The following PHF3 variants were observed in gnomAD, a reference collection of about 807,000 sequenced individuals.
PHF3 encodes the protein PHD finger protein 3.
Under a neutral mutation model 178.4 loss-of-function variants are expected in PHF3, and 41 were observed. The observed-to-expected ratio is 0.23, with a 90% CI of 0.18 to 0.30. The LOEUF (loss-of-function observed/expected upper bound fraction) is 0.30. PHF3 is among the 10% of genes least tolerant of loss of function. The pLI is 1.00. For missense variants in PHF3, 2,346 were observed against 2,398.1 expected (o/e 0.98, Z 0.45); for synonymous variants, 842 against 800.5 (o/e 1.05, Z -0.88).
Position 63,711,869 on chromosome 6 carries a change from T to A in PHF3, c.4281T>A (p.Pro1427=). ...LQEDLPTAVE[P]LMEVTKQEPP... ...AAGACCTTCCAACAGCAGTTGAACC[T>A]TTAATGGAAGTCACCAAACAGGAGC... The change falls in exon 16 of 16, where the codon CCT becomes CCA. Residue 1427 remains proline, a synonymous_variant. Coordinates refer to ENST00000262043, the MANE Select transcript of PHF3 (RefSeq NM_001370348.2). 6.2e-7 allele frequency: 1 copy of A among 1,614,114 alleles called. No individual in the cohort carries two copies. The highest frequency in any genetic ancestry group is 8.5e-7 in the Non-Finnish European group (1 of 1,179,980).
chr6:63,640,889 G>A (rs1215567855), intron 1 of PHF3, among the ~76,000 whole-genome samples: 1 of 152,134 alleles, frequency 6.6e-6, no homozygotes, highest in African/African-American at 2.4e-5. Context: ...GTGCATTATA[G>A]TATGTTTACT....
intron 12 of PHF3, 130 bp downstream of exon 12, chr6:63,706,354 G>A (rs1290338005): frequency 1.5e-5 from 10 of 662,142 alleles, no homozygotes; most frequent in Non-Finnish European, 2.5e-5. Context: ...GTACTTTCCT[G>A]TACTTTGAGA....
chr6:63,636,531 GCCCGTCTCGCAGGCC>G (rs1175664817), intron 1 of PHF3: 1 of 152,204 alleles, frequency 6.6e-6, no homozygotes, highest in Admixed American at 6.5e-5. Flanking sequence ...TGCCTGGAAG[GCCCGTCTCGCAGGCC>G]CCCGGATCCG....
At chr6:63,671,413 C>T (rs1582045323) in intron 2 of PHF3, among the ~76,000 whole-genome samples, 2 of 152,084 alleles carry the variant, frequency 1.3e-5, no homozygotes, top group African/African-American at 4.8e-5. Flanking sequence ...GGAAGAAACA[C>T]GATTACTTTT....
chr6:63,638,769 A>G (rs1223970121), intron 1 of PHF3, among the ~76,000 whole-genome samples: 4 of 152,134 alleles, frequency 2.6e-5, no homozygotes, highest in East Asian at 3.8e-4. Context: ...ATTCTGGAGT[A>G]TCTTTTCAGA....
chr6:63,646,657 G>T lies in PHF3; in HGVS notation c.106G>T (p.Ala36Ser). The T allele has an allele frequency of 6.2e-7, 1 of 1,613,842 alleles. No homozygotes were observed. The highest frequency in any genetic ancestry group is 1.1e-5 in the South Asian group (1 of 91,060). ...LENEVCEDFS[A>S]SQNVLEDSLK... The stretch of plus-strand genomic sequence containing the variant: ...GAATGAAGTCTGTGAGGATTTTAGT[G>T]CAAGTCAAAATGTCTTAGAGGACTC... The change falls in exon 2 of 16, where the codon GCA becomes TCA. Residue 36 changes from alanine to serine, a missense_variant. Ala to Ser is a moderately conservative substitution (Grantham distance 99). Coordinates refer to ENST00000262043, the MANE Select transcript of PHF3 (RefSeq NM_001370348.2).
Position 63,711,855 on chromosome 6 carries a change from A to G in PHF3, c.4267A>G (p.Thr1423Ala). Reference protein sequence around the residue: ...PQQNLQEDLPTAVEPLMEVTK... With the variant: ...PQQNLQEDLPAAVEPLMEVTK... ...GCAGAATCTTCAGGAAGACCTTCCAACAGCAGTTGAACCTTTAATGGAAGT... is the reference window on the plus strand; with the variant it reads ...GCAGAATCTTCAGGAAGACCTTCCAGCAGCAGTTGAACCTTTAATGGAAGT... Residue 1423 changes from threonine to alanine, a missense_variant, in exon 16 of 16, where the codon ACA (threonine) becomes GCA (alanine). Around this residue, in one of 8 missense-constraint regions of PHF3, gnomAD observed 839 missense variants for 806.9 expected, o/e 1.04. Transcript: ENST00000262043. The G allele has an allele frequency of 1.9e-6, 3 of 1,614,116 alleles. No homozygotes were observed. The highest frequency in any genetic ancestry group is 1.7e-6 in the Non-Finnish European group (2 of 1,179,966).
intron 14 of PHF3, among the ~76,000 whole-genome samples, chr6:63,709,559 G>A (rs1275772263): frequency 6.6e-6 from 1 of 152,056 alleles, no homozygotes; most frequent in Non-Finnish European, 1.5e-5. Flanking sequence ...TTGAGTTAGG[G>A]CACAGCTAAG....
intron 1 of PHF3, among the ~76,000 whole-genome samples, chr6:63,640,401 G>A (rs1247570900): frequency 6.6e-6 from 1 of 152,154 alleles, no homozygotes; most frequent in Non-Finnish European, 1.5e-5. Context: ...GTAATATTGG[G>A]TGTAACTTTG....
At chr6:63,654,505 T>C (rs1257815494) in intron 2 of PHF3, among the ~76,000 whole-genome samples, 1 of 152,184 alleles carries the variant, frequency 6.6e-6, no homozygotes, top group East Asian at 1.9e-4. Context: ...TTCAGATGAA[T>C]GTGGAGTATG....
intron 3 of PHF3, among the ~76,000 whole-genome samples, chr6:63,682,179 G>A (rs1455382909): frequency 1.3e-5 from 2 of 152,090 alleles, no homozygotes; most frequent in Non-Finnish European, 2.9e-5. Context: ...CTAGGGAAGG[G>A]CAGTTGCCCA....
At chr6:63,637,575 C>G (rs946137759) in intron 1 of PHF3, among the ~76,000 whole-genome samples, 10 of 152,086 alleles carry the variant, frequency 6.6e-5, no homozygotes, top group Non-Finnish European at 1.3e-4. Flanking sequence ...GACCTTTTCC[C>G]CACTAATTTT....
intron 2 of PHF3, among the ~76,000 whole-genome samples, chr6:63,658,469 CTT>C (rs759386490): frequency 6.6e-6 from 1 of 152,050 alleles, no homozygotes; most frequent in Admixed American, 6.6e-5. Context: ...ACCAGTGACT[CTT>C]TTAATTAAGT....
In PHF3 at chr6:63,646,535, G is replaced by T; in HGVS notation, c.-17G>T. On this transcript the variant is annotated 5_prime_UTR_variant, in exon 2 of 16. Coordinates refer to ENST00000262043, the MANE Select transcript of PHF3 (RefSeq NM_001370348.2). ...TTTTTGTCTTTCTATAGGGCTGAAA[G>T]ACACACAGAAGTCTTCATGGATATA... The T allele has an allele frequency of 6.3e-7, 1 of 1,597,804 alleles. No individual in the cohort carries two copies. Among genetic ancestry groups the T allele is most frequent in the South Asian group, 1.1e-5 (1 of 89,436 alleles).
intron 11 of PHF3, among the ~76,000 whole-genome samples, chr6:63,705,371 A>G (rs1248832510): frequency 6.6e-6 from 1 of 152,216 alleles, no homozygotes; most frequent in East Asian, 1.9e-4. Flanking sequence ...TCCATGGCCT[A>G]TTAGGAACTG....
Position 63,692,025 on chromosome 6 carries a change from G to T in PHF3, c.2478G>T (p.Lys826Asn), listed in dbSNP as rs369469520. The T allele has an allele frequency of 2.5e-6, 4 of 1,604,514 alleles. No homozygotes were observed. Among genetic ancestry groups the T allele is most frequent in the Non-Finnish European group, 3.4e-6 (4 of 1,175,066 alleles). ...ATATAGATGATACAGTGAAGCACAA[G>T]GTCAAAATTTTAAAACGGGTGAGCT... is the stretch of plus-strand genomic sequence containing the variant. ...TKYIDDTVKH[K>N]VKILKRESGE... Residue 826 changes from lysine (K) to asparagine (N), a missense_variant, in exon 5 of 16, where the codon AAG (lysine) becomes AAT (asparagine). Physicochemically the swap from Lys to Asn is moderately conservative, Grantham distance 94. Transcript: ENST00000262043.
At chr6:63,697,634 G>A (rs965566171) in intron 6 of PHF3, among the ~76,000 whole-genome samples, 4 of 152,166 alleles carry the variant, frequency 2.6e-5, no homozygotes. Flanking sequence ...AAGATATTAA[G>A]TATACGAGGG....
chr6:63,661,044 A>C (rs1765444967), intron 2 of PHF3, among the ~76,000 whole-genome samples: 1 of 152,104 alleles, frequency 6.6e-6, no homozygotes, highest in African/African-American at 2.4e-5. Flanking sequence ...CTGTCAGTAA[A>C]CATGAATCAG....
intron 11 of PHF3, among the ~76,000 whole-genome samples, chr6:63,705,389 C>G (rs1268426053): frequency 2.6e-5 from 4 of 152,204 alleles, no homozygotes; most frequent in Admixed American, 1.3e-4. Flanking sequence ...CTGGGCCTCA[C>G]AGCAGGAGGT....
Sources: allele counts gnomAD v4.1 joint callset (sites outside exome capture counted in the v4.1 genomes callset), GRCh38; gene constraint gnomAD v4.1.1; regional missense constraint gnomAD v4.1.1; transcripts MANE v1.5; gene names NCBI Gene and HGNC (gene_info 2026-07-23, HGNC 2026-07-21).